GABRB3: variants seen among roughly 807,000 people sequenced by gnomAD.
GABRB3 encodes gamma-aminobutyric acid receptor subunit beta-3.
Under a neutral mutation model 52.1 loss-of-function variants are expected in GABRB3, and 14 were observed. The ratio of observed to expected loss-of-function variants is 0.27; its 90% CI spans 0.18 to 0.42. The LOEUF (loss-of-function observed/expected upper bound fraction) is 0.42. GABRB3 is among the 10% of genes least tolerant of loss of function. The pLI, the probability that GABRB3 is intolerant of heterozygous loss-of-function variation, is 1.00. For synonymous variants in GABRB3, 260 were observed against 232.3 expected (o/e 1.12, Z -1.08); for missense variants, 307 against 609.1 (o/e 0.50, Z 5.22).
chr15:26,597,466 G>A (rs1024350964), intron 4 of GABRB3, among the ~76,000 whole-genome samples: 2 of 152,180 alleles, frequency 1.3e-5, no homozygotes, highest in East Asian at 1.9e-4. Context: ...CAAGATAGAG[G>A]AGACTGAATA....
At chr15:26,761,812 C>A (rs1890830277) in intron 3 of GABRB3, among the ~76,000 whole-genome samples, 1 of 152,216 alleles carries the variant, frequency 6.6e-6, no homozygotes, top group Admixed American at 6.6e-5. Context: ...TCCTCTTCAA[C>A]ACACACCTCT....
intron 6 of GABRB3, among the ~76,000 whole-genome samples, chr15:26,575,944 G>A (rs548605237): frequency 2.6e-5 from 4 of 152,288 alleles, no homozygotes; most frequent in East Asian, 1.9e-4. Flanking sequence ...CATATCTTGC[G>A]AAAATCTCAA....
intron 4 of GABRB3, among the ~76,000 whole-genome samples, chr15:26,603,540 C>T (rs142976738): frequency 5.1e-4 from 77 of 151,892 alleles, no homozygotes; most frequent in African/African-American, 1.7e-3. Context: ...TACTAGGAAA[C>T]GAAATTCAAG....
At chr15:26,593,157 C>A (rs1891268026) in intron 4 of GABRB3, among the ~76,000 whole-genome samples, 2 of 152,104 alleles carry the variant, frequency 1.3e-5, no homozygotes, top group Non-Finnish European at 2.9e-5. Flanking sequence ...ACTTGTAAAA[C>A]CTACTCAAAG....
chr15:26,767,175 C>T (rs1248731057), intron 3 of GABRB3: 1 of 152,144 alleles, frequency 6.6e-6, no homozygotes, highest in Non-Finnish European at 1.5e-5. Context: ...CAACCTAGAG[C>T]CAAGCACAGA....
intron 3 of GABRB3, among the ~76,000 whole-genome samples, chr15:26,673,777 G>A (rs1887971896): frequency 6.6e-6 from 1 of 152,152 alleles, no homozygotes; most frequent in Admixed American, 6.5e-5. Flanking sequence ...ATGCACCAGA[G>A]TGTTAAAAAC....
At chr15:26,753,710 GAGA>G (rs1361785636) in intron 3 of GABRB3, among the ~76,000 whole-genome samples, 1 of 152,174 alleles carries the variant, frequency 6.6e-6, no homozygotes, top group African/African-American at 2.4e-5. Flanking sequence ...GAACCTGATG[GAGA>G]AGAAGCTATC....
At chr15:26,575,204 C>T (rs1316638380) in intron 6 of GABRB3, among the ~76,000 whole-genome samples, 1 of 152,208 alleles carries the variant, frequency 6.6e-6, no homozygotes, top group African/African-American at 2.4e-5. Context: ...CTGAAGAAGT[C>T]TGTCTTCTGT....
In GABRB3 at chr15:26,554,207, A is replaced by ATATATATATATATATATTTATTTATT. The variant is rs1348288306; in HGVS notation, c.1081-6074_1081-6073insAATAAATAAATATATATATATATATA. ...ATATATATACTATATATATATATATATAGTAGAAACAAGGTCTCTCTTTGT... is the reference window on the plus strand; with the variant it reads ...ATATATATACTATATATATATATATATATATATATATATATATTTATTTATTTAGTAGAAACAAGGTCTCTCTTTGT... On this transcript the variant is annotated intron_variant, in intron 8 of 8. Transcript: ENST00000311550. Among the ~76,000 whole-genome samples the ATATATATATATATATATTTATTTATT allele has an allele frequency of 9.5e-4, 55 of 57,824 alleles. 5 individuals are homozygous for ATATATATATATATATATTTATTTATT. Among genetic ancestry groups the ATATATATATATATATATTTATTTATT allele is most frequent in the South Asian group, 2.5e-3 (4 of 1,612 alleles). 37.9% of individuals were successfully genotyped at this position (57,824 alleles called of 152,430 possible).
intron 3 of GABRB3, among the ~76,000 whole-genome samples, chr15:26,760,759 T>C (rs1164036074): frequency 6.6e-6 from 1 of 151,822 alleles, no homozygotes. Context: ...ATGCTTCTTT[T>C]AAAAACTGGT....
intron 3 of GABRB3, among the ~76,000 whole-genome samples, chr15:26,631,401 T>C (rs1430598911): frequency 2.0e-5 from 3 of 152,226 alleles, no homozygotes; most frequent in Non-Finnish European, 1.5e-5. Flanking sequence ...TGCAATTAAG[T>C]AATTGACTAC....
chr15:26,689,544 A>C (rs1400349928), intron 3 of GABRB3, among the ~76,000 whole-genome samples: 1 of 152,124 alleles, frequency 6.6e-6, no homozygotes, highest in Admixed American at 6.5e-5. Context: ...GCCTCATTAC[A>C]CGTCATGCCT....
At chr15:26,561,570 G>T (rs1345640476) in intron 7 of GABRB3, among the ~76,000 whole-genome samples, 3 of 152,246 alleles carry the variant, frequency 2.0e-5, no homozygotes, top group African/African-American at 7.2e-5. Flanking sequence ...AAAGCACAAA[G>T]TGTCTAGATG....
At chr15:26,733,586 A>C (rs1263652242) in intron 3 of GABRB3, among the ~76,000 whole-genome samples, 2 of 152,218 alleles carry the variant, frequency 1.3e-5, no homozygotes, top group East Asian at 1.9e-4. Context: ...CTACAGATTA[A>C]ATACAATTCT....
intron 4 of GABRB3, among the ~76,000 whole-genome samples, chr15:26,603,217 C>T (rs1308991431): frequency 2.0e-5 from 3 of 151,832 alleles, no homozygotes; most frequent in Non-Finnish European, 1.5e-5. Context: ...ACGAAGAAAT[C>T]CAAAACCTAA....
chr15:26,604,717 A>G (rs559475089), intron 4 of GABRB3, among the ~76,000 whole-genome samples: 77 of 142,080 alleles, frequency 5.4e-4, no homozygotes, highest in Admixed American at 1.9e-3. Context: ...AACCGGATGC[A>G]GAAGAACGAA....
chr15:26,771,702 T>A (rs548966738), intron 3 of GABRB3: 1 of 152,312 alleles, frequency 6.6e-6, no homozygotes, highest in South Asian at 2.1e-4. Flanking sequence ...TTGAATCCAG[T>A]CTGCATTCAC....
intron 3 of GABRB3, among the ~76,000 whole-genome samples, chr15:26,636,276 A>T (rs1385980386): frequency 6.6e-6 from 1 of 152,154 alleles, no homozygotes; most frequent in Non-Finnish European, 1.5e-5. Context: ...CCTGCTTGTG[A>T]ACTAACCTTG....
intron 8 of GABRB3, among the ~76,000 whole-genome samples, chr15:26,559,381 A>G (rs1247736826): frequency 1.3e-5 from 2 of 152,182 alleles, no homozygotes; most frequent in African/African-American, 4.8e-5. Context: ...CATTATTGCC[A>G]TGCTTCCTGT....
Sources: allele counts gnomAD v4.1 joint callset (sites outside exome capture counted in the v4.1 genomes callset), GRCh38; gene constraint gnomAD v4.1.1; transcripts MANE v1.5; gene names NCBI Gene and HGNC (gene_info 2026-07-23, HGNC 2026-07-21).